Variants in PFAS observed in about 807,000 individuals in gnomAD.
PFAS encodes phosphoribosylformylglycinamidine synthase.
A neutral mutation model predicts 140.6 loss-of-function variants in PFAS; 97 were observed. That is an observed-to-expected ratio of 0.69 (90% CI 0.59 to 0.82). The LOEUF is 0.82. Ranked by LOEUF, PFAS falls within the 40% of genes least tolerant of loss-of-function variation. The pLI is 0.00. For missense variants in PFAS, 1,656 were observed against 1,780.2 expected (o/e 0.93, Z 1.26); for synonymous variants, 679 against 718.8 (o/e 0.94, Z 0.88).
chr17:8,258,284 T>G, intron 11 of PFAS, 85 bp downstream of exon 11: 1 of 1,441,126 alleles, frequency 6.9e-7, no homozygotes, highest in Non-Finnish European at 9.6e-7. Context: ...AGGGAACACT[T>G]CAGTGGTTAG....
upstream of PFAS, chr17:8,249,160 C>T (rs533671651): frequency 6.6e-6 from 1 of 152,286 alleles, no homozygotes; most frequent in Non-Finnish European, 1.5e-5. Flanking sequence ...GAGAAACCAC[C>T]TGGGGATAAA....
chr17:8,266,205 G>T lies in PFAS; in HGVS notation c.2702-29G>T, dbSNP rs767299425. Reference sequence around the variant, plus strand: ...GGGGCTGTCAGGTTTGGGTCCCGAGGTTGCTGAGCTTTCTTCTCCTTCCTC... The same window carrying T: ...GGGGCTGTCAGGTTTGGGTCCCGAGTTTGCTGAGCTTTCTTCTCCTTCCTC... On this transcript the variant is annotated intron_variant, in intron 21 of 27. Transcript: ENST00000314666. The surrounding 1 kb of genome is among the most constrained non-coding windows in gnomAD (Gnocchi z 5.0). 6.2e-7 allele frequency: 1 copy of T among 1,612,960 alleles called. No homozygotes were observed. Among genetic ancestry groups the T allele is most frequent in the Admixed American group, 1.7e-5 (1 of 59,916 alleles).
chr17:8,264,732 C>A, intron 17 of PFAS, 131 bp downstream of exon 17: 1 of 1,093,086 alleles, frequency 9.1e-7, no homozygotes, highest in Non-Finnish European at 1.3e-6. Context: ...AGGGCAGCCA[C>A]CCTGATGGCC....
At position 8,256,574 on chromosome 17, in the gene PFAS, G is replaced by C; in HGVS notation, c.872G>C (p.Arg291Pro). Residue 291 changes from arginine to proline, a missense_variant, in exon 8 of 28, where the codon CGG becomes CCG. Physicochemically the swap from Arg to Pro is moderately radical, Grantham distance 103. This residue lies in a region of PFAS where 773 missense variants were observed against 757.3 expected (regional missense o/e 1.02). Transcript: ENST00000314666. The part of the protein sequence containing the change: ...VRFLRPEDPT[R>P]PSRFQQQQGL... ...TTCCTACGGCCTGAGGACCCCACAC[G>C]GCCAAGCCGCTTCCAGCAACAGCAA... The C allele has an allele frequency of 6.2e-7, 1 of 1,614,080 alleles. No homozygotes were observed. The highest frequency in any genetic ancestry group is 8.5e-7 in the Non-Finnish European group (1 of 1,180,028).
At chr17:8,250,299 C>G (rs1243671247) in intron 1 of PFAS, among the ~76,000 whole-genome samples, 1 of 152,132 alleles carries the variant, frequency 6.6e-6, no homozygotes, top group Non-Finnish European at 1.5e-5. Context: ...CCACTTTATG[C>G]TGATGTGTGA....
In PFAS at chr17:8,255,706, A is replaced by T; in HGVS notation, c.574+15A>T. 5 of 1,588,416 alleles carry T rather than the reference A, an allele frequency of 3.1e-6. No individual in the cohort carries two copies. The highest frequency in any genetic ancestry group is 3.4e-6 in the Non-Finnish European group (4 of 1,167,882). On this transcript the variant is annotated intron_variant, in intron 5 of 27. Transcript: ENST00000314666. ...CCAGGAGCTTGGTGAGTAGCTGGGG[A>T]GGGAGATGTAGGGTCCAGGATAGGC...
In PFAS at chr17:8,263,811, G is replaced by A; in HGVS notation, c.1666G>A (p.Gly556Arg). ...DPTLNALEIW[G>R]AEYQESNALL... Reference sequence around the variant, plus strand: ...AACCCTGAATGCCCTGGAAATCTGGGGGGCTGAGTACCAGGAATCAAATGC... The same window carrying A: ...AACCCTGAATGCCCTGGAAATCTGGAGGGCTGAGTACCAGGAATCAAATGC... The change falls in exon 15 of 28, where the codon GGG becomes AGG. Residue 556 changes from glycine to arginine, a missense_variant. Physicochemically the swap from Gly to Arg is moderately radical, Grantham distance 125. This residue lies in a region of PFAS where 773 missense variants were observed against 757.3 expected (regional missense o/e 1.02). Transcript: ENST00000314666. 6.2e-7 allele frequency: 1 copy of A among 1,614,114 alleles called. No individual in the cohort carries two copies. The highest frequency in any genetic ancestry group is 8.5e-7 in the Non-Finnish European group (1 of 1,179,990).
rs757816707 is a variant in PFAS, at chr17:8,266,895, C to T, written c.2964C>T (p.Ala988=). Residue 988 remains alanine, a synonymous_variant, in exon 23 of 28, where the codon GCC becomes GCT. Transcript: ENST00000314666. The surrounding 1 kb of genome is among the most constrained non-coding windows in gnomAD (Gnocchi z 5.0). ...LGHTGEAGPH[A]MVRVSVNGAV... ...ACACAGGCGAGGCCGGGCCCCACGC[C>T]ATGGTGAGGAAGTGAGGGAGAGAGC... 2 of 1,602,680 alleles carry T rather than the reference C, an allele frequency of 1.2e-6. No individual in the cohort carries two copies. Among genetic ancestry groups the T allele is most frequent in the African/African-American group, 2.7e-5 (2 of 75,036 alleles).
intron 11 of PFAS, among the ~76,000 whole-genome samples, 154 bp downstream of exon 11, chr17:8,258,353 A>G (rs1280512642): frequency 6.6e-6 from 1 of 152,152 alleles, no homozygotes; most frequent in Non-Finnish European, 1.5e-5. Context: ...CATTCTGAGA[A>G]ATGTGGCTAT....
chr17:8,263,204 T>G lies in PFAS; in HGVS notation c.1506T>G (p.Cys502Trp). The G allele has an allele frequency of 6.2e-7, 1 of 1,614,044 alleles. No individual in the cohort carries two copies. Among genetic ancestry groups the G allele is most frequent in the Non-Finnish European group, 8.5e-7 (1 of 1,179,946 alleles). The change falls in exon 13 of 28, where the codon TGT (cysteine) becomes TGG (tryptophan). Residue 502 changes from cysteine (C) to tryptophan (W), a missense_variant. Physicochemically the swap from Cys to Trp is radical, Grantham distance 215. Transcript: ENST00000314666. ...AGATGAACCGTGTGATCAGGGCTTGTGTGGAGGCCCCCAAGGGAAACCCCA... is the reference window on the plus strand; with the variant it reads ...AGATGAACCGTGTGATCAGGGCTTGGGTGGAGGCCCCCAAGGGAAACCCCA... ...EQKMNRVIRA[C>W]VEAPKGNPIC...
intron 1 of PFAS, among the ~76,000 whole-genome samples, chr17:8,252,833 G>C (rs1428747722): frequency 1.3e-5 from 2 of 152,034 alleles, no homozygotes; most frequent in African/African-American, 4.8e-5. Flanking sequence ...TGTTGCCCAG[G>C]TTGGTCTCGA....
intron 9 of PFAS, among the ~76,000 whole-genome samples, chr17:8,257,463 A>G (rs1398164333): frequency 6.6e-6 from 1 of 152,072 alleles, no homozygotes; most frequent in African/African-American, 2.4e-5. Flanking sequence ...GGCTGAGGCG[A>G]GAGAATGGCG....
chr17:8,263,670 C>T (rs1289816992), intron 14 of PFAS, 34 bp downstream of exon 14: 1 of 1,608,658 alleles, frequency 6.2e-7, no homozygotes. Flanking sequence ...GACATTTTCC[C>T]ACCCCTGCCA....
rs1989388207 is a variant in PFAS, at chr17:8,256,863, TGG to T, written c.976_977del (p.Gly326HisfsTer58). ...GVCPFSGATT[G>X]TGGRIRDVQC... is the part of the protein sequence containing the mutation. ...TATGCCCCTTTAGTGGTGCAACCACTGGCACAGGGGGCCGGATTCGAGATGTC... is the reference window on the plus strand; with the variant it reads ...TATGCCCCTTTAGTGGTGCAACCACTCACAGGGGGCCGGATTCGAGATGTC... On this transcript the variant is annotated frameshift_variant, in exon 9 of 28. Transcript: ENST00000314666. LOFTEE classifies it high-confidence loss of function. 2.5e-6 allele frequency: 4 copies of T among 1,612,114 alleles called. No individual in the cohort carries two copies. The highest frequency in any genetic ancestry group is 3.4e-6 in the Non-Finnish European group (4 of 1,178,962).
chr17:8,264,837 C>T (rs560777689), intron 17 of PFAS, 58 bp from the exon 18 acceptor site: 404 of 1,259,238 alleles, frequency 3.2e-4, no homozygotes, highest in Non-Finnish European at 3.6e-4. Context: ...GGGGCATGTG[C>T]GGGAGCTCAG....
In PFAS at chr17:8,269,157, C is replaced by T. The variant is rs1488313187; in HGVS notation, c.3910C>T (p.Pro1304Ser). 6.2e-7 allele frequency: 1 copy of T among 1,613,750 alleles called. No individual in the cohort carries two copies. The highest frequency in any genetic ancestry group is 1.3e-5 in the African/African-American group (1 of 74,944). The change falls in exon 28 of 28, where the codon CCT becomes TCT. Residue 1304 changes from proline to serine, a missense_variant. This residue lies in a region of PFAS where 883 missense variants were observed against 1,023.0 expected (regional missense o/e 0.86). Coordinates refer to ENST00000314666, the MANE Select transcript of PFAS (RefSeq NM_012393.3). ...GCCTCACCCTGAGCGGGCCGTTAGG[C>T]CTTGGCAGTGGGCATGGCGACCCCC... ...VMPHPERAVR[P>S]WQWAWRPPPF...
Position 8,264,880 on chromosome 17 carries a change from C to T in PFAS, c.2050-15C>T, listed in dbSNP as rs1989746611. 1 of 1,527,936 alleles carries T rather than the reference C, an allele frequency of 6.5e-7. No homozygotes were observed. Among genetic ancestry groups the T allele is most frequent in the Non-Finnish European group, 8.9e-7 (1 of 1,125,664 alleles). The allele number at this position is 1,527,936 out of a possible 1,614,324, so 94.6% of individuals were successfully genotyped here. On this transcript the variant is annotated splice_polypyrimidine_tract_variant and intron_variant, in intron 17 of 27. Transcript: ENST00000314666. Reference sequence around the variant, plus strand: ...CTGTCCCTTGCTCTCTTGCTAACCCCACCTGGTTCCACAGGTGGACCGCTC... The same window carrying T: ...CTGTCCCTTGCTCTCTTGCTAACCCTACCTGGTTCCACAGGTGGACCGCTC...
chr17:8,265,847 TC>T lies in PFAS; in HGVS notation c.2546-11del, dbSNP rs759019297. 6.3e-7 allele frequency: 1 copy of T among 1,583,426 alleles called. No homozygotes were observed. Among genetic ancestry groups the T allele is most frequent in the South Asian group, 1.2e-5 (1 of 86,228 alleles). ...TGAGCTGTTCCCCTCCCCTCACCCC[TC>T]CCCGTCTCCCCAGGCCATCTGCTCT... is the stretch of plus-strand genomic sequence containing the variant. On this transcript the variant is annotated splice_polypyrimidine_tract_variant and intron_variant, in intron 20 of 27. Transcript: ENST00000314666.
rs760030658 is a variant in PFAS, at chr17:8,254,176, C to T, written c.153C>T (p.Leu51=). Residue 51 remains leucine (L), a synonymous_variant, in exon 3 of 28, where the codon CTC becomes CTT. Coordinates refer to ENST00000314666, the MANE Select transcript of PFAS (RefSeq NM_012393.3). ...CCTGTCTCCCTGCAGCTGAGGCCCT[C>T]CCCAGTGCTGAGGAGACAAAGAAGC... ...CYNVNWTAEA[L]PSAEETKKLM... The T allele has an allele frequency of 2.4e-5, 38 of 1,614,064 alleles. No homozygotes were observed. Among genetic ancestry groups the T allele is most frequent in the Non-Finnish European group, 6.8e-6 (8 of 1,180,044 alleles).
Sources: allele counts gnomAD v4.1 joint callset (sites outside exome capture counted in the v4.1 genomes callset), GRCh38; gene constraint gnomAD v4.1.1; regional missense constraint gnomAD v4.1.1; non-coding constraint Gnocchi (gnomAD v3.1); transcripts MANE v1.5; gene names NCBI Gene and HGNC (gene_info 2026-07-23, HGNC 2026-07-21).